DLG1: variants seen among roughly 807,000 people sequenced by gnomAD.
DLG1 encodes disks large homolog 1.
A neutral mutation model predicts 123.4 loss-of-function variants in DLG1; 42 were observed. That is an observed-to-expected ratio of 0.34 (90% CI 0.27 to 0.44). The LOEUF (loss-of-function observed/expected upper bound fraction) is 0.44. Ranked by LOEUF, DLG1 falls within the 20% of genes least tolerant of loss-of-function variation. The probability of loss-of-function intolerance (pLI) is 1.00; values close to 1 mark genes in which losing one functional copy is unlikely to be tolerated. For synonymous variants in DLG1, 317 were observed against 356.2 expected, an observed-to-expected ratio of 0.89 and a Z score of 1.24; for missense variants, 942 against 1,082.6, an observed-to-expected ratio of 0.87 and a Z score of 1.82.
chr3:197,162,670 T>C (rs1799281562), intron 5 of DLG1, among the ~76,000 whole-genome samples: 1 of 152,158 alleles, frequency 6.6e-6, no homozygotes, highest in Non-Finnish European at 1.5e-5. Context: ...ATGCAAAAGA[T>C]GAAGGTCTAT....
chr3:197,137,984 A>AC (rs56048037), intron 9 of DLG1, among the ~76,000 whole-genome samples: 1 of 150,934 alleles, frequency 6.6e-6, no homozygotes, highest in Non-Finnish European at 1.5e-5. Context: ...AAAAACAAAC[A>AC]AAAAAACCCC....
intron 17 of DLG1, chr3:197,078,349 A>C (rs1001492456): frequency 2.0e-5 from 3 of 151,916 alleles, no homozygotes; most frequent in Non-Finnish European, 4.4e-5. Context: ...GAAGTAGATT[A>C]AAGTGACTTT....
intron 5 of DLG1, among the ~76,000 whole-genome samples, chr3:197,158,634 CAAAAAA>C (rs71623339): frequency 0.43 from 28,860 of 67,688 alleles, 4,803 homozygotes; most frequent in South Asian, 0.56. Flanking sequence ...AACTCCATTT[CAAAAAA>C]AAAAAAAAAA....
chr3:197,297,434 T>C, intron 1 of DLG1, 199 bp from the exon 2 acceptor site: 1 of 1,400,606 alleles, frequency 7.1e-7, no homozygotes, highest in Non-Finnish European at 9.3e-7. Context: ...CCCCTCCAAA[T>C]TAAGAACAGA....
intron 10 of DLG1, chr3:197,136,225 A>G (rs1784998556): frequency 5.1e-6 from 1 of 196,530 alleles, no homozygotes; most frequent in Non-Finnish European, 1.0e-5. Flanking sequence ...AGTGAAGTAA[A>G]ATAAAAAAGG....
Position 197,131,663 on chromosome 3 carries a change from A to G in DLG1, c.1021-992T>C, listed in dbSNP as rs886781412. On this transcript the variant is annotated intron_variant, in intron 10 of 24. Transcript: ENST00000667157. ...GGCTGGAGTGCAGTGGCGGGATCTC[A>G]GCTCACTGCAAGCTCCGCCTCCCGG... Among the ~76,000 whole-genome samples the G allele has an allele frequency of 1.4e-4, 18 of 124,852 alleles. No homozygotes were observed. The East Asian group carries it at 1.9e-3, about 13-fold the overall frequency. The allele number at this position is 124,852 out of a possible 152,430, so 81.9% of individuals were successfully genotyped here. A position where few individuals can be genotyped will look rare whatever the true frequency, so the allele number is the denominator to read the frequency against.
chr3:197,147,432 G>GCACACACACA lies in DLG1; in HGVS notation c.537+2301_537+2310dup, dbSNP rs67643945. Reference sequence around the variant, plus strand: ...TGAGTGGATAAAAAATATATGGTGTGCACACACACACACACACACACACAC... The same window carrying GCACACACACA: ...TGAGTGGATAAAAAATATATGGTGTGCACACACACACACACACACACACACACACACACAC... On this transcript the variant is annotated intron_variant, in intron 6 of 24. Transcript: ENST00000667157. Among the ~76,000 whole-genome samples the GCACACACACA allele has an allele frequency of 4.5e-3, 664 of 147,170 alleles. 4 individuals are homozygous for GCACACACACA. Among genetic ancestry groups the GCACACACACA allele is most frequent in the African/African-American group, 8.3e-3 (329 of 39,682 alleles).
At chr3:197,195,800 G>C (rs894106191) in intron 4 of DLG1, among the ~76,000 whole-genome samples, 1 of 143,196 alleles carries the variant, frequency 7.0e-6, no homozygotes, top group South Asian at 2.3e-4. Flanking sequence ...TTGGTGACAG[G>C]ATCATTCCTA....
intron 14 of DLG1, among the ~76,000 whole-genome samples, chr3:197,104,378 C>T (rs1313641215): frequency 6.6e-6 from 1 of 151,980 alleles, no homozygotes; most frequent in Non-Finnish European, 1.5e-5. Context: ...TGCCAGTTCC[C>T]ACATCATTAA....
At chr3:197,202,549 G>C (rs904489748) in intron 4 of DLG1, among the ~76,000 whole-genome samples, 3 of 152,140 alleles carry the variant, frequency 2.0e-5, no homozygotes, top group Non-Finnish European at 4.4e-5. Flanking sequence ...GATTTTAGGA[G>C]AAGAAAAACT....
At chr3:197,136,407 T>C in intron 10 of DLG1, 135 bp downstream of exon 10, 1 of 627,306 alleles carries the variant, frequency 1.6e-6, no homozygotes. Context: ...TTTTTTAGGA[T>C]TTGATACAGC....
chr3:197,269,434 C>T (rs1011599241), intron 4 of DLG1, among the ~76,000 whole-genome samples: 1 of 152,092 alleles, frequency 6.6e-6, no homozygotes, highest in African/African-American at 2.4e-5. Context: ...ATAAACGTTG[C>T]CTGTTACATT....
At chr3:197,260,750 C>CAAAAAAAAAAAAAAAAAAAAAAAAAA in intron 4 of DLG1, among the ~76,000 whole-genome samples, 1 of 18,316 alleles carries the variant, frequency 5.5e-5, no homozygotes, top group Non-Finnish European at 9.3e-5. Flanking sequence ...TGACAACCAC[C>CAAAAAAAAAAAAAAAAAAAAAAAAAA]AAAAAAAAAA....
intron 5 of DLG1, among the ~76,000 whole-genome samples, chr3:197,189,774 A>G (rs1264150837): frequency 2.6e-5 from 4 of 152,216 alleles, no homozygotes; most frequent in Non-Finnish European, 5.9e-5. Context: ...GCATGCTGGT[A>G]CTTTCTTGAT....
intron 14 of DLG1, among the ~76,000 whole-genome samples, chr3:197,102,535 C>A (rs1764068931): frequency 6.6e-6 from 1 of 152,186 alleles, no homozygotes; most frequent in Non-Finnish European, 1.5e-5. Context: ...AGCTTTGATG[C>A]TTTTCCCCAC....
rs542084257 is a variant in DLG1 at position 197,204,597 on chromosome 3, A to G, written c.319-10008T>C. 2.6e-4 allele frequency among the ~76,000 whole-genome samples: 40 copies of G among 152,340 alleles called. 1 individual carries two copies. The Middle Eastern group carries it at 0.02, about 78-fold the overall frequency. The stretch of plus-strand genomic sequence containing the variant: ...TTCTCCCAACTAGTCAGCTCTCCAT[A>G]TCTGTGAGTTCCATATCTACAGATT... On this transcript the variant is annotated intron_variant, in intron 4 of 24. Coordinates refer to ENST00000667157, the MANE Select transcript of DLG1 (RefSeq NM_001366207.1).
intron 5 of DLG1, among the ~76,000 whole-genome samples, chr3:197,163,830 C>T (rs1385542762): frequency 6.6e-6 from 1 of 151,556 alleles, no homozygotes; most frequent in Non-Finnish European, 1.5e-5. Flanking sequence ...AGCCACTGCA[C>T]CCAGCCCTAG....
intron 4 of DLG1, among the ~76,000 whole-genome samples, chr3:197,201,781 A>C (rs546203912): frequency 8.5e-5 from 13 of 152,164 alleles, no homozygotes; most frequent in Non-Finnish European, 1.5e-4. Context: ...TACTACAATA[A>C]AATACTAATA....
intron 6 of DLG1, among the ~76,000 whole-genome samples, chr3:197,149,199 A>T (rs1694623541): frequency 6.6e-6 from 1 of 152,184 alleles, no homozygotes; most frequent in African/African-American, 2.4e-5. Flanking sequence ...ACCTATTAGC[A>T]GTCACTCCCC....
Sources: gnomAD v4.1 joint callset for allele counts (sites outside exome capture counted in the v4.1 genomes callset) on GRCh38, gnomAD v4.1.1 for gene constraint, MANE v1.5 for transcripts, NCBI Gene and HGNC (gene_info 2026-07-23, HGNC 2026-07-21) for gene names.